The following SEMA3E variants were observed in gnomAD, a reference collection of about 807,000 sequenced individuals.
SEMA3E encodes semaphorin-3E.
Under a neutral mutation model 93.6 loss-of-function variants are expected in SEMA3E, and 49 were observed. The observed-to-expected ratio is 0.52, with a 90% CI of 0.42 to 0.66. The LOEUF (loss-of-function observed/expected upper bound fraction) is 0.66. Ranked by LOEUF, SEMA3E falls within the 30% of genes least tolerant of loss-of-function variation. The probability of loss-of-function intolerance (pLI) is 0.00; values close to 1 mark genes in which losing one functional copy is unlikely to be tolerated. For missense variants in SEMA3E, 906 were observed against 964.8 expected (o/e 0.94, Z 0.81); for synonymous variants, 363 against 330.7 (o/e 1.10, Z -1.06).
At chr7:83,425,936 T>TC (rs11445089) in intron 4 of SEMA3E, among the ~76,000 whole-genome samples, 51,275 of 151,864 alleles carry the variant, frequency 0.34, 10,190 homozygotes, top group African/African-American at 0.54. Context: ...AACAAATTCT[T>TC]TCATACATAC....
intron 1 of SEMA3E, among the ~76,000 whole-genome samples, chr7:83,647,181 T>C (rs1016023): frequency 0.096 from 14,560 of 152,172 alleles, 928 homozygotes; most frequent in South Asian, 0.18. Flanking sequence ...GATAGTATTA[T>C]AGGAAATCTA....
chr7:83,416,832 T>C (rs1788551527), intron 5 of SEMA3E, among the ~76,000 whole-genome samples: 1 of 152,010 alleles, frequency 6.6e-6, no homozygotes, highest in South Asian at 2.1e-4. Context: ...TTTTAATGTA[T>C]ATTCTGTCAG....
intron 1 of SEMA3E, among the ~76,000 whole-genome samples, chr7:83,495,726 A>G (rs1790478365): frequency 6.6e-6 from 1 of 152,036 alleles, no homozygotes; most frequent in South Asian, 2.1e-4. Context: ...AAAGAATTCA[A>G]CTTCATTAAA....
At chr7:83,496,597 C>T (rs900863850) in intron 1 of SEMA3E, among the ~76,000 whole-genome samples, 2 of 151,846 alleles carry the variant, frequency 1.3e-5, no homozygotes, top group Admixed American at 1.3e-4. Context: ...ATCTAATTTG[C>T]TATGGAGTTT....
chr7:83,551,374 A>G (rs1791761702), intron 1 of SEMA3E, among the ~76,000 whole-genome samples: 1 of 152,196 alleles, frequency 6.6e-6, no homozygotes, highest in African/African-American at 2.4e-5. Context: ...ATAAAAACAC[A>G]TAGCTGAAAA....
chr7:83,451,579 G>A lies in SEMA3E; in HGVS notation c.456+14903C>T, dbSNP rs556209173. On this transcript the variant is annotated intron_variant, in intron 4 of 16. Coordinates refer to ENST00000643230, the MANE Select transcript of SEMA3E (RefSeq NM_012431.3). ...TAGTACTTGAGTAGCAAATGCAAAT[G>A]CCTCTTATTGCCAGGTGGAGATGGC... 1.8e-3 allele frequency among the ~76,000 whole-genome samples: 275 copies of A among 152,264 alleles called. 1 individual carries two copies. The highest frequency in any genetic ancestry group is 6.2e-3 in the African/African-American group (257 of 41,552).
intron 1 of SEMA3E, among the ~76,000 whole-genome samples, chr7:83,499,646 T>C (rs1468696422): frequency 6.6e-6 from 1 of 152,300 alleles, no homozygotes; most frequent in African/African-American, 2.4e-5. Context: ...ATGTAGAAAT[T>C]CGTGTATCAC....
chr7:83,589,310 C>A (rs574497563), intron 1 of SEMA3E, among the ~76,000 whole-genome samples: 1 of 152,126 alleles, frequency 6.6e-6, no homozygotes, highest in African/African-American at 2.4e-5. Context: ...TTCTTTCCTA[C>A]CTGAGATTAT....
intron 2 of SEMA3E, among the ~76,000 whole-genome samples, chr7:83,487,730 GGA>G (rs1370424721): frequency 6.9e-6 from 1 of 144,972 alleles, no homozygotes; most frequent in African/African-American, 2.5e-5. Flanking sequence ...TTATATATAT[GGA>G]GAGAGAGGAA....
At chr7:83,566,220 ATTGTC>A in intron 1 of SEMA3E, among the ~76,000 whole-genome samples, 1 of 144,640 alleles carries the variant, frequency 6.9e-6, no homozygotes, top group Non-Finnish European at 1.5e-5. Context: ...GCTGGTCAGG[ATTGTC>A]TCGATCTCCT....
intron 16 of SEMA3E, 143 bp from the exon 17 acceptor site, chr7:83,368,181 C>T (rs770350466): frequency 1.7e-5 from 12 of 694,936 alleles, no homozygotes; most frequent in Non-Finnish European, 2.7e-5. Flanking sequence ...CACAAAAATG[C>T]TAAATAATTA....
chr7:83,616,922 ACCACGTTGG>A (rs1285637933), intron 1 of SEMA3E, among the ~76,000 whole-genome samples: 1 of 151,912 alleles, frequency 6.6e-6, no homozygotes, highest in East Asian at 1.9e-4. Context: ...ACGGGGTTTC[ACCACGTTGG>A]CCAGGCTGGT....
At chr7:83,631,666 C>T (rs926446098) in intron 1 of SEMA3E, among the ~76,000 whole-genome samples, 1 of 152,188 alleles carries the variant, frequency 6.6e-6, no homozygotes, top group African/African-American at 2.4e-5. Context: ...TGTTACTACA[C>T]ATATGATCTA....
At chr7:83,392,510 G>A (rs765328566) in intron 14 of SEMA3E, 45 bp downstream of exon 14, 11 of 1,543,060 alleles carry the variant, frequency 7.1e-6, no homozygotes, top group Non-Finnish European at 1.8e-6. Flanking sequence ...AAGCATTAGG[G>A]TTTTCCTAAG....
Position 83,402,739 on chromosome 7 carries a change from T to C in SEMA3E, c.1036A>G (p.Met346Val), listed in dbSNP as rs1788255093. The change falls in exon 10 of 17, where the codon ATG becomes GTG. Residue 346 changes from methionine (M) to valine (V), a missense_variant. By Grantham distance (21) the Met-to-Val change is conservative. Coordinates refer to ENST00000643230, the MANE Select transcript of SEMA3E (RefSeq NM_012431.3). Reference protein sequence around the residue: ...FRGHAICVYHMSSIRAAFNGP... With the variant: ...FRGHAICVYHVSSIRAAFNGP... The stretch of plus-strand genomic sequence containing the variant: ...TTGAAGGCTGCCCGAATGCTAGACA[T>C]GTGATAGACACATATAGCATGCCCT... 4 of 1,612,916 alleles carry C rather than the reference T, an allele frequency of 2.5e-6. No homozygotes were observed. Among genetic ancestry groups the C allele is most frequent in the Non-Finnish European group, 3.4e-6 (4 of 1,179,180 alleles).
intron 1 of SEMA3E, among the ~76,000 whole-genome samples, chr7:83,538,037 T>C (rs1791440872): frequency 6.6e-6 from 1 of 152,166 alleles, no homozygotes; most frequent in Non-Finnish European, 1.5e-5. Flanking sequence ...ATCCAAGTAG[T>C]AGCATATATC....
At chr7:83,579,643 A>G (rs1028741629) in intron 1 of SEMA3E, among the ~76,000 whole-genome samples, 1 of 152,150 alleles carries the variant, frequency 6.6e-6, no homozygotes, top group Non-Finnish European at 1.5e-5. Flanking sequence ...GGCTTGTACC[A>G]GGTCCCAGTT....
At chr7:83,576,213 C>A (rs770509052) in intron 1 of SEMA3E, among the ~76,000 whole-genome samples, 11 of 152,096 alleles carry the variant, frequency 7.2e-5, no homozygotes, top group African/African-American at 1.9e-4. Flanking sequence ...ATGTGCAATA[C>A]CTTGCTCAAT....
intron 1 of SEMA3E, among the ~76,000 whole-genome samples, chr7:83,630,631 T>G (rs1479334709): frequency 6.6e-6 from 1 of 152,198 alleles, no homozygotes; most frequent in Non-Finnish European, 1.5e-5. Context: ...AATTCATTAT[T>G]GCTACAAGAA....
Sources: gnomAD v4.1 joint callset for allele counts (sites outside exome capture counted in the v4.1 genomes callset) on GRCh38, gnomAD v4.1.1 for gene constraint, MANE v1.5 for transcripts, NCBI Gene and HGNC (gene_info 2026-07-23, HGNC 2026-07-21) for gene names.